Variants in HSP90B1 observed in about 807,000 individuals in gnomAD.
HSP90B1 encodes heat shock protein 90 beta family member 1, also known as endoplasmin.
In HSP90B1, 27 loss-of-function variants were observed where a neutral mutation model predicts 100.4. The ratio of observed to expected loss-of-function variants is 0.27; its 90% CI spans 0.20 to 0.37. The LOEUF (loss-of-function observed/expected upper bound fraction) is 0.37, where lower values mean the gene tolerates loss of function less well. Ranked by LOEUF, HSP90B1 falls within the 10% of genes least tolerant of loss-of-function variation. The probability of loss-of-function intolerance (pLI) is 1.00; values close to 1 mark genes in which losing one functional copy is unlikely to be tolerated. For missense variants in HSP90B1, 678 were observed against 960.5 expected (o/e 0.71, Z 3.89); for synonymous variants, 304 against 330.8 (o/e 0.92, Z 0.88).
At chr12:103,939,156 G>A (rs2136215176) in intron 7 of HSP90B1, among the ~76,000 whole-genome samples, 1 of 151,032 alleles carries the variant, frequency 6.6e-6, no homozygotes, top group East Asian at 1.9e-4. Flanking sequence ...CTGGAGTGTG[G>A]TAGCACGATC....
chr12:103,938,245 C>G, intron 6 of HSP90B1, 95 bp from the exon 7 acceptor site: 1 of 1,137,096 alleles, frequency 8.8e-7, no homozygotes, highest in Non-Finnish European at 1.2e-6. Flanking sequence ...CTTACAAAAA[C>G]CTATTTTTTG....
At chr12:103,933,050 C>T (rs1869812033) in intron 4 of HSP90B1, 108 bp downstream of exon 4, 1 of 648,086 alleles carries the variant, frequency 1.5e-6, no homozygotes, top group Admixed American at 2.5e-5. Context: ...GCAAAAAAAC[C>T]CCAAGTCTCA....
In HSP90B1 at chr12:103,943,733, C is replaced by T; in HGVS notation, c.1891-5C>T. 6.2e-7 allele frequency: 1 copy of T among 1,610,952 alleles called. No individual in the cohort carries two copies. The highest frequency in any genetic ancestry group is 8.5e-7 in the Non-Finnish European group (1 of 1,178,994). On this transcript the variant is annotated splice_polypyrimidine_tract_variant and splice_region_variant and intron_variant, in intron 13 of 17. Coordinates refer to ENST00000299767, the MANE Select transcript of HSP90B1 (RefSeq NM_003299.3). The surrounding 1 kb of genome is among the most constrained non-coding windows in gnomAD (Gnocchi z 5.3). ...AATTTATATGACTTGATTTCTTTCC[C>T]TAAGATTGAAAAGGCTGTGGTGTCT...
At chr12:103,940,638 T>C (rs1379112189) in intron 8 of HSP90B1, among the ~76,000 whole-genome samples, 2 of 152,188 alleles carry the variant, frequency 1.3e-5, no homozygotes, top group African/African-American at 2.4e-5. Context: ...ATAAAGCAGC[T>C]GTATTAGAAA....
rs1269979207 is a variant in HSP90B1, at chr12:103,933,940, C to T, written c.412-16C>T. ...AAATATTAAATACAACTATCTGGTT[C>T]TTGTCTTGCATTTAGTGTGATAAGG... On this transcript the variant is annotated splice_polypyrimidine_tract_variant and intron_variant, in intron 4 of 17. Transcript: ENST00000299767. 1 of 1,591,308 alleles carries T rather than the reference C, an allele frequency of 6.3e-7. No homozygotes were observed. Among genetic ancestry groups the T allele is most frequent in the South Asian group, 1.1e-5 (1 of 89,934 alleles).
Position 103,943,248 on chromosome 12 carries a change from A to G in HSP90B1, c.1819A>G (p.Ser607Gly). 6.2e-7 allele frequency: 1 copy of G among 1,614,122 alleles called. No homozygotes were observed. The highest frequency in any genetic ancestry group is 8.5e-7 in the Non-Finnish European group (1 of 1,179,972). ...CGATGAAAGTGAGAAAACTAAGGAG[A>G]GTCGTGAAGCAGTTGAGAAAGAATT... is the stretch of plus-strand genomic sequence containing the variant. ...KFDESEKTKE[S>G]REAVEKEFEP... Residue 607 changes from serine to glycine, a missense_variant, in exon 13 of 18, where the codon AGT (serine) becomes GGT (glycine). Ser to Gly is a moderately conservative substitution (Grantham distance 56, BLOSUM62 0). Coordinates refer to ENST00000299767, the MANE Select transcript of HSP90B1 (RefSeq NM_003299.3). The surrounding 1 kb of genome is among the most constrained non-coding windows in gnomAD (Gnocchi z 5.3).
chr12:103,946,664 C>T lies in HSP90B1; in HGVS notation c.2074C>T (p.Pro692Ser). 1 of 1,614,010 alleles carries T rather than the reference C, an allele frequency of 6.2e-7. No homozygotes were observed. Among genetic ancestry groups the T allele is most frequent in the Non-Finnish European group, 8.5e-7 (1 of 1,179,906 alleles). ...AACATTTGAAATTAATCCCAGACAC[C>T]CGCTGATCAGAGACATGCTTCGACG... ...KKTFEINPRH[P>S]LIRDMLRRIK... Residue 692 changes from proline (P) to serine (S), a missense_variant, in exon 15 of 18, where the codon CCG becomes TCG. Physicochemically the swap from Pro to Ser is moderately conservative, Grantham distance 74 (BLOSUM62 -1). This residue lies in a region of HSP90B1 where 64 missense variants were observed against 66.4 expected (regional missense o/e 0.96). Transcript: ENST00000299767.
chr12:103,944,073 C>T (rs1479357514), intron 14 of HSP90B1, among the ~76,000 whole-genome samples, 199 bp downstream of exon 14: 3 of 152,156 alleles, frequency 2.0e-5, no homozygotes, highest in African/African-American at 7.2e-5. Context: ...TCATGATTTT[C>T]TGATTTTATT....
At chr12:103,941,602 A>C (rs147795677) in intron 9 of HSP90B1, 27 bp from the exon 10 acceptor site, 38,305 of 1,613,874 alleles carry the variant, frequency 0.024, 678 homozygotes, top group South Asian at 0.066. Flanking sequence ...TAATTTCCAG[A>C]AAGTGACTTT....
intron 5 of HSP90B1, 39 bp from the exon 6 acceptor site, chr12:103,937,656 A>C: frequency 1.0e-6 from 1 of 971,722 alleles, no homozygotes; most frequent in East Asian, 2.4e-5. Flanking sequence ...CAGATCTTCT[A>C]AATGTTAGGT....
chr12:103,943,804 G>A lies in HSP90B1; in HGVS notation c.1957G>A (p.Gly653Arg), dbSNP rs748492752. ...GTGTGCTTTGGTGGCCAGCCAGTAC[G>A]GATGGTCTGGCAACATGGAGAGAAT... ...SPCALVASQYGWSGNMERIMK... is the reference protein window; with the variant it reads ...SPCALVASQYRWSGNMERIMK... Residue 653 changes from glycine (G) to arginine (R), a missense_variant, in exon 14 of 18, where the codon GGA (glycine) becomes AGA (arginine). Around this residue, in one of 8 missense-constraint regions of HSP90B1, gnomAD observed 170 missense variants for 236.7 expected, o/e 0.72. Transcript: ENST00000299767. This position sits in a 1 kb window ranked among gnomAD's most constrained non-coding sequence, Gnocchi z 5.3. 27 of 1,614,066 alleles carry A rather than the reference G, an allele frequency of 1.7e-5. No individual in the cohort carries two copies. Among genetic ancestry groups the A allele is most frequent in the Non-Finnish European group, 2.2e-5 (26 of 1,179,954 alleles).
chr12:103,944,756 A>T (rs553005198), intron 14 of HSP90B1, among the ~76,000 whole-genome samples: 1 of 152,292 alleles, frequency 6.6e-6, no homozygotes, highest in African/African-American at 2.4e-5. Context: ...GTGTTTCACC[A>T]TGTTGGCCAG....
chr12:103,941,953 A>C, intron 11 of HSP90B1, 56 bp downstream of exon 11: 1 of 1,326,600 alleles, frequency 7.5e-7, no homozygotes. Context: ...GGTTCAGAGG[A>C]CAGGCTCCAT....
intron 5 of HSP90B1, 134 bp from the exon 6 acceptor site, chr12:103,937,561 A>T: frequency 1.6e-6 from 1 of 629,274 alleles, no homozygotes. Flanking sequence ...CTTGTTGGTG[A>T]TGGAGAGTTA....
At position 103,930,417 on chromosome 12, in the gene HSP90B1, G is replaced by T. The variant is rs764061535; in HGVS notation, c.-99G>T. The T allele has an allele frequency of 3.8e-5, 42 of 1,117,468 alleles. No individual in the cohort carries two copies. In the Middle Eastern group the frequency reaches 6.3e-4, roughly 17 times the overall value. 69.2% of individuals were successfully genotyped at this position (1,117,468 alleles called of 1,614,324 possible). Reference sequence around the variant, plus strand: ...CCGACCTGCTTGCGGTGTAGTGGGCGGACCGCGCGGCTGGAGGTGTGAGGA... The same window carrying T: ...CCGACCTGCTTGCGGTGTAGTGGGCTGACCGCGCGGCTGGAGGTGTGAGGA... On this transcript the variant is annotated 5_prime_UTR_variant, in exon 1 of 18. Transcript: ENST00000299767. The surrounding 1 kb of genome is among the most constrained non-coding windows in gnomAD (Gnocchi z 4.4).
chr12:103,946,519 TACCAAGAG>T, intron 14 of HSP90B1, 91 bp from the exon 15 acceptor site: 4 of 826,052 alleles, frequency 4.8e-6, no homozygotes, highest in African/African-American at 1.7e-5. Flanking sequence ...TTTTTTTTTT[TACCAAGAG>T]TTGTTCTGTG....
At chr12:103,947,026 T>C (rs1870255615) in intron 16 of HSP90B1, 85 bp downstream of exon 16, 2 of 1,423,148 alleles carry the variant, frequency 1.4e-6, no homozygotes, top group Non-Finnish European at 1.9e-6. Flanking sequence ...GATTGAGGGA[T>C]GTAGCTTTGC....
chr12:103,938,881 G>A (rs1477080281), intron 7 of HSP90B1: 5 of 152,512 alleles, frequency 3.3e-5, no homozygotes, highest in African/African-American at 1.2e-4. Flanking sequence ...ATTTCTTTAA[G>A]TCATGAAATG....
At chr12:103,934,375 C>A in intron 5 of HSP90B1, 88 bp downstream of exon 5, 1 of 1,065,914 alleles carries the variant, frequency 9.4e-7, no homozygotes, top group Non-Finnish European at 1.4e-6. Context: ...ATGACTTATT[C>A]TGGGCCTTAA....
Sources: gnomAD v4.1 joint callset for allele counts (sites outside exome capture counted in the v4.1 genomes callset) on GRCh38, gnomAD v4.1.1 for gene constraint, gnomAD v4.1.1 regional missense constraint, Gnocchi (gnomAD v3.1) non-coding constraint, MANE v1.5 for transcripts, NCBI Gene and HGNC (gene_info 2026-07-23, HGNC 2026-07-21) for gene names.